Variants in RGL1 observed in about 807,000 individuals in gnomAD.
RGL1 encodes the protein ral guanine nucleotide dissociation stimulator like 1, also known as ral guanine nucleotide dissociation stimulator-like 1.
In RGL1, 24 loss-of-function variants were observed where a neutral mutation model predicts 95.2. The ratio of observed to expected loss-of-function variants is 0.25; its 90% CI spans 0.18 to 0.35. The LOEUF (loss-of-function observed/expected upper bound fraction) is 0.35, where lower values mean the gene tolerates loss of function less well. RGL1 is among the 10% of genes least tolerant of loss of function. RGL1 has a pLI of 1.00. For synonymous variants in RGL1, 329 were observed against 344.9 expected (o/e 0.95, Z 0.51); for missense variants, 715 against 936.3 (o/e 0.76, Z 3.08).
rs758633724 is a variant in RGL1, at chr1:183,648,330, C to T, written c.-33+11829C>T. 1.5e-5 allele frequency: 25 copies of T among 1,614,048 alleles called. 1 individual carries two copies. The Middle Eastern group carries it at 1.6e-3, about 106-fold the overall frequency. ...ATGATAGAGCTGAGAAAAATAAATACTAAGAGTGATGCCTGGATACGTAAT... is the reference window on the plus strand; with the variant it reads ...ATGATAGAGCTGAGAAAAATAAATATTAAGAGTGATGCCTGGATACGTAAT... On this transcript the variant is annotated intron_variant, in intron 1 of 18. Transcript: ENST00000304685.
intron 2 of RGL1, among the ~76,000 whole-genome samples, chr1:183,846,632 C>T (rs1664459860): frequency 6.6e-6 from 1 of 152,032 alleles, no homozygotes; most frequent in Non-Finnish European, 1.5e-5. Flanking sequence ...GTAATCACAA[C>T]ACTTTTGGAG....
intron 2 of RGL1, among the ~76,000 whole-genome samples, chr1:183,810,322 T>G (rs1396397571): frequency 6.6e-6 from 1 of 152,216 alleles, no homozygotes; most frequent in Non-Finnish European, 1.5e-5. Flanking sequence ...CTAGGTCACT[T>G]CTGCAAAATT....
intron 2 of RGL1, among the ~76,000 whole-genome samples, chr1:183,798,647 T>C (rs954158864): frequency 3.9e-5 from 6 of 152,060 alleles, no homozygotes; most frequent in African/African-American, 1.4e-4. Context: ...CTGTAGTAGA[T>C]CCCTAGAAGG....
At chr1:183,783,167 A>G (rs1305204849) in intron 2 of RGL1, among the ~76,000 whole-genome samples, 2 of 151,948 alleles carry the variant, frequency 1.3e-5, no homozygotes, top group South Asian at 2.1e-4. Flanking sequence ...TACTGAATTT[A>G]TTCCAGCTCC....
intron 2 of RGL1, among the ~76,000 whole-genome samples, chr1:183,768,340 G>A (rs564008069): frequency 1.3e-5 from 2 of 151,152 alleles, no homozygotes; most frequent in Non-Finnish European, 2.9e-5. Context: ...TTAAAAAACC[G>A]AAAATACATC....
At chr1:183,850,378 T>G (rs541717084) in intron 3 of RGL1, among the ~76,000 whole-genome samples, 2 of 152,340 alleles carry the variant, frequency 1.3e-5, no homozygotes, top group South Asian at 4.1e-4. Context: ...TTTTGTGTAG[T>G]CATATCTATT....
chr1:183,675,293 GTT>G (rs148032153), intron 1 of RGL1, among the ~76,000 whole-genome samples: 10,593 of 146,454 alleles, frequency 0.072, 648 homozygotes, highest in African/African-American at 0.17. Context: ...ATTCTATATG[GTT>G]TTTTTTTTTC....
rs928469008 is a variant in RGL1 at position 183,790,943 on chromosome 1, C to CACACAA, written c.133-15431_133-15430insCACAAA. On this transcript the variant is annotated intron_variant, in intron 2 of 18. Coordinates refer to the RGL1 transcript ENST00000304685. ...ATGTGTACACACACACACACACACA[C>CACACAA]AATCTCTGGAGGGAAGGAGAGAAGA... 1.3e-4 allele frequency among the ~76,000 whole-genome samples: 19 copies of CACACAA among 151,626 alleles called. 1 individual carries two copies. Among genetic ancestry groups the CACACAA allele is most frequent in the Admixed American group, 1.2e-3 (19 of 15,218 alleles).
chr1:183,643,258 GTTTTTTTATTTATTTA>G (rs1158505145), intron 1 of RGL1, among the ~76,000 whole-genome samples: 11 of 142,978 alleles, frequency 7.7e-5, no homozygotes, highest in South Asian at 4.5e-4. Flanking sequence ...TTGAGGTCCT[GTTTTTTTATTTATTTA>G]TTTATTTATT....
intron 2 of RGL1, among the ~76,000 whole-genome samples, chr1:183,765,881 A>G (rs542465646): frequency 2.6e-4 from 40 of 152,316 alleles, no homozygotes; most frequent in Non-Finnish European, 4.7e-4. Context: ...CATAAAAATC[A>G]TAATTTTTAC....
intron 1 of RGL1, among the ~76,000 whole-genome samples, chr1:183,741,447 A>G (rs1407241808): frequency 1.3e-5 from 2 of 152,208 alleles, no homozygotes; most frequent in African/African-American, 4.8e-5. Context: ...ATAATATCTT[A>G]CAGTAACTGT....
intron 11 of RGL1, among the ~76,000 whole-genome samples, chr1:183,901,248 G>A (rs1418477279): frequency 2.6e-5 from 4 of 152,036 alleles, no homozygotes; most frequent in South Asian, 4.2e-4. Flanking sequence ...GCAGTGAGCC[G>A]AGATTGCGCC....
At chr1:183,670,921 T>G (rs904790875) in intron 1 of RGL1, among the ~76,000 whole-genome samples, 11 of 152,210 alleles carry the variant, frequency 7.2e-5, no homozygotes, top group African/African-American at 2.7e-4. Flanking sequence ...TTTTCATACT[T>G]CTGTAAGAAC....
chr1:183,665,151 A>G (rs1651943869), intron 1 of RGL1, among the ~76,000 whole-genome samples: 1 of 152,168 alleles, frequency 6.6e-6, no homozygotes, highest in African/African-American at 2.4e-5. Flanking sequence ...GAAAAATCAT[A>G]TGATTTTTCT....
At chr1:183,696,228 C>T (rs375516753) in intron 1 of RGL1, among the ~76,000 whole-genome samples, 15 of 152,152 alleles carry the variant, frequency 9.9e-5, no homozygotes, top group African/African-American at 2.4e-4. Context: ...CCAAGGCTCG[C>T]GCTCTCCTGG....
chr1:183,922,550 T>G (rs1333359665), intron 17 of RGL1, among the ~76,000 whole-genome samples: 1 of 152,202 alleles, frequency 6.6e-6, no homozygotes, highest in African/African-American at 2.4e-5. Flanking sequence ...CAGCTCTTGT[T>G]TTTCCTGCGA....
intron 10 of RGL1, among the ~76,000 whole-genome samples, chr1:183,899,864 C>T (rs1020985700): frequency 2.0e-5 from 3 of 152,224 alleles, no homozygotes; most frequent in Non-Finnish European, 4.4e-5. Flanking sequence ...ACATCCTTCT[C>T]ACTTGAGCCA....
At chr1:183,771,615 C>T (rs6424911) in intron 2 of RGL1, among the ~76,000 whole-genome samples, 95,020 of 152,134 alleles carry the variant, frequency 0.62, 29,830 homozygotes, top group East Asian at 0.83. Flanking sequence ...TAAACTCATC[C>T]TTCCTTTTGA....
At chr1:183,915,589 C>T (rs556843755) in intron 15 of RGL1, among the ~76,000 whole-genome samples, 31 of 152,332 alleles carry the variant, frequency 2.0e-4, no homozygotes, top group African/African-American at 7.2e-4. Context: ...CTGTATTTCC[C>T]TTGAGCAAGT....
Sources: gnomAD v4.1 joint callset for allele counts (sites outside exome capture counted in the v4.1 genomes callset) on GRCh38, gnomAD v4.1.1 for gene constraint, MANE v1.5 for transcripts, NCBI Gene and HGNC (gene_info 2026-07-23, HGNC 2026-07-21) for gene names.